SIMC1: variants seen among roughly 807,000 people sequenced by gnomAD.
SIMC1 encodes the protein SUMO interacting motifs containing 1, also known as SUMO-interacting motif-containing protein 1.
SIMC1 carries 55 observed loss-of-function variants against 82.3 expected under a neutral mutation model. The ratio of observed to expected loss-of-function variants is 0.67; its 90% CI spans 0.54 to 0.84. The LOEUF (loss-of-function observed/expected upper bound fraction) is 0.84. Ranked by LOEUF, SIMC1 falls within the 40% of genes least tolerant of loss-of-function variation. The pLI, the probability that SIMC1 is intolerant of heterozygous loss-of-function variation, is 0.00. For missense variants in SIMC1, 915 were observed against 1,107.2 expected, an observed-to-expected ratio of 0.83 and a Z score of 2.46; for synonymous variants, 353 against 426.3, an observed-to-expected ratio of 0.83 and a Z score of 2.12.
chr5:176,318,695 C>A (rs1765021318), intron 5 of SIMC1, among the ~76,000 whole-genome samples: 1 of 152,194 alleles, frequency 6.6e-6, no homozygotes. Context: ...ATGTCTTTAT[C>A]TTCTCATACA....
intron 1 of SIMC1, among the ~76,000 whole-genome samples, chr5:176,244,597 C>G (rs4493690): frequency 2.0e-5 from 3 of 151,122 alleles, no homozygotes; most frequent in Non-Finnish European, 4.4e-5. Flanking sequence ...TGCTCACATG[C>G]AGTACAGCCA....
chr5:176,273,505 A>C (rs1470050228), intron 1 of SIMC1, among the ~76,000 whole-genome samples: 1 of 152,196 alleles, frequency 6.6e-6, no homozygotes, highest in Admixed American at 6.5e-5. Flanking sequence ...AAAGCTGAAA[A>C]AAAAATTTTT....
intron 1 of SIMC1, among the ~76,000 whole-genome samples, chr5:176,263,727 C>T (rs1762093291): frequency 1.3e-5 from 2 of 152,122 alleles, no homozygotes; most frequent in Admixed American, 1.3e-4. Context: ...CCTGGCCCCC[C>T]AAATGTCATA....
intron 1 of SIMC1, among the ~76,000 whole-genome samples, chr5:176,255,705 A>T (rs1260207756): frequency 1.4e-5 from 2 of 145,740 alleles, no homozygotes; most frequent in African/African-American, 2.5e-5. Context: ...AAAATAAATT[A>T]AAAAATGAGT....
chr5:176,280,649 A>C (rs1027957009), intron 1 of SIMC1, among the ~76,000 whole-genome samples: 1 of 152,028 alleles, frequency 6.6e-6, no homozygotes, highest in African/African-American at 2.4e-5. Flanking sequence ...AAAATCTCTC[A>C]GCATTTGCTT....
chr5:176,263,689 G>A (rs1762091826), intron 1 of SIMC1, among the ~76,000 whole-genome samples: 1 of 152,062 alleles, frequency 6.6e-6, no homozygotes, highest in East Asian at 1.9e-4. Flanking sequence ...CACTTGGAGG[G>A]GCCAAATATC....
intron 1 of SIMC1, among the ~76,000 whole-genome samples, chr5:176,288,489 A>G (rs1454230288): frequency 1.3e-5 from 2 of 151,960 alleles, no homozygotes; most frequent in Non-Finnish European, 2.9e-5. Flanking sequence ...GCATTTTAGC[A>G]GTTGGCTATG....
In SIMC1 at chr5:176,238,543, G is replaced by A. The variant is rs1470318277; in HGVS notation, c.35G>A (p.Gly12Asp). 138 of 1,331,276 alleles carry A rather than the reference G, an allele frequency of 1.0e-4. No homozygotes were observed. The highest frequency in any genetic ancestry group is 2.9e-4 in the Middle Eastern group (1 of 3,458). The allele number at this position is 1,331,276 out of a possible 1,614,324, so 82.5% of individuals were successfully genotyped here. Residue 12 changes from glycine to aspartate, a missense_variant, in exon 1 of 10, where the codon GGC becomes GAC. Physicochemically the swap from Gly to Asp is moderately conservative, Grantham distance 94. This residue lies in a region of SIMC1 where 13 missense variants were observed against 66.9 expected (regional missense o/e 0.19). Coordinates refer to ENST00000429602, the MANE Select transcript of SIMC1 (RefSeq NM_001308195.2). ...EDFIVISDDS[G>D]SESSGGARPG... ...TTCATCGTGATCTCGGACGACAGCG[G>A]CTCTGAGAGCTCCGGGGGCGCCCGC... is the stretch of plus-strand genomic sequence containing the variant.
intron 9 of SIMC1, among the ~76,000 whole-genome samples, chr5:176,343,424 A>G (rs1187082229): frequency 6.6e-6 from 1 of 152,234 alleles, no homozygotes; most frequent in East Asian, 1.9e-4. Flanking sequence ...ATTTGCCTCA[A>G]TTCCACACAC....
At chr5:176,266,207 G>T (rs1455485092) in intron 1 of SIMC1, among the ~76,000 whole-genome samples, 10 of 152,066 alleles carry the variant, frequency 6.6e-5, no homozygotes, top group Non-Finnish European at 1.2e-4. Context: ...TTAACTGATT[G>T]CATTCCCCAG....
intron 1 of SIMC1, among the ~76,000 whole-genome samples, chr5:176,251,554 A>C (rs958810909): frequency 6.6e-6 from 1 of 151,588 alleles, no homozygotes; most frequent in African/African-American, 2.4e-5. Context: ...CTGGCTGGAT[A>C]TGAAATTCTG....
rs143160312 is a variant in SIMC1, at chr5:176,337,091, C to T, written c.2358C>T (p.Asp786=). The T allele has an allele frequency of 3.3e-5, 54 of 1,613,902 alleles. No individual in the cohort carries two copies. The African/African-American group carries it at 4.9e-4, about 15-fold the overall frequency. Residue 786 remains aspartate, a synonymous_variant, in exon 9 of 10, where the codon GAC becomes GAT. Transcript: ENST00000429602. ...ATAAAAGCCAGTGGCAGACTTGGGACGAATTGGTTGAGCATCTGCAGTTTC... is the reference window on the plus strand; with the variant it reads ...ATAAAAGCCAGTGGCAGACTTGGGATGAATTGGTTGAGCATCTGCAGTTTC... ...QSDKSQWQTW[D]ELVEHLQFLL...
rs1188900930 is a variant in SIMC1 at position 176,304,730 on chromosome 5, C to T, written c.1734+8410C>T. On this transcript the variant is annotated intron_variant, in intron 4 of 9. Transcript: ENST00000429602. ...CGTCTCCGCCCGGCCGCCATCCCAT[C>T]TAGGAAGTGAGGAGCGCCTCTTCCC... Among the ~76,000 whole-genome samples the T allele has an allele frequency of 2.0e-5, 3 of 150,916 alleles. 1 individual carries two copies. The highest frequency in any genetic ancestry group is 4.9e-5 in the African/African-American group (2 of 41,034).
chr5:176,245,253 A>G (rs1417478021), intron 1 of SIMC1, among the ~76,000 whole-genome samples: 1 of 152,234 alleles, frequency 6.6e-6, no homozygotes, highest in Non-Finnish European at 1.5e-5. Flanking sequence ...ATGTGAAGAC[A>G]CAGGGGAAGA....
In SIMC1 at chr5:176,260,818, A is replaced by G. The variant is rs1021635051; in HGVS notation, c.129+22181A>G. ...TCTACTTCTGTGTAAAGAAGCAGAAATGGCAGATGCGCAGAAATGGCAGAT... is the reference window on the plus strand; with the variant it reads ...TCTACTTCTGTGTAAAGAAGCAGAAGTGGCAGATGCGCAGAAATGGCAGAT... On this transcript the variant is annotated intron_variant, in intron 1 of 9. Coordinates refer to ENST00000429602, the MANE Select transcript of SIMC1 (RefSeq NM_001308195.2). Among the ~76,000 whole-genome samples, 9 of 152,268 alleles carry G rather than the reference A, an allele frequency of 5.9e-5. No homozygotes were observed. In the Middle Eastern group the frequency reaches 0.014, roughly 230 times the overall value.
intron 1 of SIMC1, among the ~76,000 whole-genome samples, chr5:176,262,033 A>C (rs1762031949): frequency 6.6e-6 from 1 of 151,732 alleles, no homozygotes; most frequent in Non-Finnish European, 1.5e-5. Flanking sequence ...ACTACAGACC[A>C]ATATCTTTTA....
At chr5:176,336,914 C>T (rs1410186719) in intron 8 of SIMC1, 38 bp downstream of exon 8, 1 of 1,611,440 alleles carries the variant, frequency 6.2e-7, no homozygotes, top group Non-Finnish European at 8.5e-7. Context: ...CCTAGAGCAC[C>T]TCTCTTTGCT....
Position 176,336,610 on chromosome 5 carries a change from T to G in SIMC1, c.2172-110T>G. ...TTCTGTGGGCTTCCATGGTATTCCT[T>G]CTTAACTGTCTTTTTTAGGACAAAT... On this transcript the variant is annotated intron_variant, in intron 7 of 9. Coordinates refer to ENST00000429602, the MANE Select transcript of SIMC1 (RefSeq NM_001308195.2). 3 of 1,448,526 alleles carry G rather than the reference T, an allele frequency of 2.1e-6. No individual in the cohort carries two copies. In the South Asian group the frequency reaches 4.0e-5, roughly 20 times the overall value. 89.7% of individuals were successfully genotyped at this position (1,448,526 alleles called of 1,614,324 possible).
In SIMC1 at chr5:176,287,535, C is replaced by T. The variant is rs367987071; in HGVS notation, c.130-2119C>T. On this transcript the variant is annotated intron_variant, in intron 1 of 9. Coordinates refer to ENST00000429602, the MANE Select transcript of SIMC1 (RefSeq NM_001308195.2). Reference sequence around the variant, plus strand: ...TAGGAGATATATCTAATGTAAATGACGACTTAATGGTTGCAGCACACCAAC... The same window carrying T: ...TAGGAGATATATCTAATGTAAATGATGACTTAATGGTTGCAGCACACCAAC... 7.9e-5 allele frequency among the ~76,000 whole-genome samples: 12 copies of T among 152,022 alleles called. No homozygotes were observed. The East Asian group carries it at 1.9e-3, about 24-fold the overall frequency.
Sources: gnomAD v4.1 joint callset for allele counts (sites outside exome capture counted in the v4.1 genomes callset) on GRCh38, gnomAD v4.1.1 for gene constraint, gnomAD v4.1.1 regional missense constraint, MANE v1.5 for transcripts, NCBI Gene and HGNC (gene_info 2026-07-23, HGNC 2026-07-21) for gene names.